PRSS54: variants seen among roughly 807,000 people sequenced by gnomAD.
PRSS54 encodes inactive serine protease 54.
In PRSS54, 16 loss-of-function variants were observed where a neutral mutation model predicts 19.9. The ratio of observed to expected loss-of-function variants is 0.80; its 90% CI spans 0.54 to 1.22. PRSS54 has a LOEUF of 1.22. Ranked by LOEUF, PRSS54 falls within the 50% of genes most tolerant of loss-of-function variation. The pLI, the probability that PRSS54 is intolerant of heterozygous loss-of-function variation, is 0.00. For synonymous variants in PRSS54, 177 were observed against 195.8 expected, an observed-to-expected ratio of 0.90 and a Z score of 0.80; for missense variants, 444 against 494.8, an observed-to-expected ratio of 0.90 and a Z score of 0.97.
chr16:58,293,242 A>G (rs1015700410), intron 3 of PRSS54, among the ~76,000 whole-genome samples: 5 of 152,028 alleles, frequency 3.3e-5, no homozygotes, highest in Admixed American at 3.3e-4. Flanking sequence ...TGCCCTCTGT[A>G]GGCTGGAATT....
At chr16:58,285,023 C>T (rs1395672210) in intron 5 of PRSS54, among the ~76,000 whole-genome samples, 5 of 152,148 alleles carry the variant, frequency 3.3e-5, no homozygotes, top group Non-Finnish European at 7.3e-5. Flanking sequence ...CCATGTTGGT[C>T]AGGCTGGTCT....
intron 3 of PRSS54, among the ~76,000 whole-genome samples, chr16:58,292,321 C>T (rs1965053514): frequency 1.3e-5 from 2 of 152,054 alleles, no homozygotes; most frequent in East Asian, 3.9e-4. Flanking sequence ...TTTCAGGAGC[C>T]CATCAGAGTG....
chr16:58,283,990 A>G (rs1386227659), intron 6 of PRSS54, among the ~76,000 whole-genome samples: 1 of 152,166 alleles, frequency 6.6e-6, no homozygotes, highest in South Asian at 2.1e-4. Flanking sequence ...AGCAGAGGAG[A>G]TAAACACTGT....
At chr16:58,284,451 A>G (rs1234579274) in intron 6 of PRSS54, 139 bp downstream of exon 6, 1 of 880,096 alleles carries the variant, frequency 1.1e-6, no homozygotes, top group Non-Finnish European at 1.8e-6. Flanking sequence ...GCCAAGTGCT[A>G]TTCACTCCAG....
intron 3 of PRSS54, among the ~76,000 whole-genome samples, chr16:58,293,396 G>A (rs1053226384): frequency 5.3e-5 from 8 of 152,158 alleles, no homozygotes; most frequent in African/African-American, 1.9e-4. Flanking sequence ...GGGGGTTGTA[G>A]TTTGCAAAAG....
rs1965112502 is a variant in PRSS54, at chr16:58,294,888, A to G, written c.-233T>C. 6.5e-6 allele frequency: 1 copy of G among 152,728 alleles called. No homozygotes were observed. The highest frequency in any genetic ancestry group is 1.5e-5 in the Non-Finnish European group (1 of 68,116). The allele number at this position is 152,728 out of a possible 1,614,324, so 9.5% of individuals were successfully genotyped here. A position where few individuals can be genotyped will look rare whatever the true frequency, so the allele number is the denominator to read the frequency against. On this transcript the variant is annotated splice_region_variant and 5_prime_UTR_variant, in exon 1 of 7. The change abolishes an upstream ATG in the 5' untranslated region. Transcript: ENST00000567164. ...CCCATGTGCACAGTTCTAAGTCACC[A>G]TGTTCCACTCATGACACTGGATGCC...
At chr16:58,288,957 G>A (rs961826651) in intron 4 of PRSS54, among the ~76,000 whole-genome samples, 9 of 152,252 alleles carry the variant, frequency 5.9e-5, no homozygotes, top group African/African-American at 1.4e-4. Context: ...ACTCAATTGC[G>A]TTCTCTTGAA....
intron 6 of PRSS54, chr16:58,282,890 T>C (rs1446611136): frequency 6.6e-6 from 1 of 152,338 alleles, no homozygotes; most frequent in Non-Finnish European, 1.5e-5. Flanking sequence ...TCCTCAGCTA[T>C]GGCGTGGTTT....
chr16:58,291,166 G>C (rs752163991), intron 3 of PRSS54, 30 bp from the exon 4 acceptor site: 1 of 1,605,716 alleles, frequency 6.2e-7, no homozygotes, highest in South Asian at 1.1e-5. Flanking sequence ...CCTCACTGCC[G>C]GGGCAAGGAG....
intron 6 of PRSS54, 36 bp downstream of exon 6, chr16:58,284,554 T>C (rs1162741623): frequency 1.9e-6 from 3 of 1,612,710 alleles, no homozygotes; most frequent in Non-Finnish European, 2.5e-6. Context: ...CAAGGCTTAC[T>C]CTCAACACTT....
At chr16:58,286,963 C>T (rs926920203) in intron 4 of PRSS54, among the ~76,000 whole-genome samples, 8 of 151,832 alleles carry the variant, frequency 5.3e-5, no homozygotes, top group Non-Finnish European at 1.0e-4. Flanking sequence ...AGAATAGGGC[C>T]CACAGAAAAC....
rs968204443 is a variant in PRSS54, at chr16:58,284,689, C to T, written c.555G>A (p.Arg185=). The T allele has an allele frequency of 1.6e-5, 26 of 1,614,004 alleles. No homozygotes were observed. Among genetic ancestry groups the T allele is most frequent in the Non-Finnish European group, 2.1e-5 (25 of 1,180,010 alleles). ...TGTCAAGATCTTTCACGAAGATTTT[C>T]CTCAGGACACTCATCGTCATGTGAT... ...TGNHMTMSVL[R]KIFVKDLDMC... is the part of the protein sequence containing the mutation. The change falls in exon 6 of 7, where the codon AGG becomes AGA. Residue 185 remains arginine (R), a synonymous_variant. Transcript: ENST00000567164.
chr16:58,284,533 C>A (rs1050907962), intron 6 of PRSS54, 57 bp downstream of exon 6: 3 of 1,606,946 alleles, frequency 1.9e-6, no homozygotes, highest in Non-Finnish European at 2.6e-6. Context: ...TGAGGCTCCC[C>A]TGGATGTGAC....
At position 58,286,051 on chromosome 16, in the gene PRSS54, G is replaced by A. The variant is rs746789172; in HGVS notation, c.408C>T (p.Asp136=). 1 of 1,614,224 alleles carries A rather than the reference G, an allele frequency of 6.2e-7. No homozygotes were observed. The highest frequency in any genetic ancestry group is 1.7e-5 in the Admixed American group (1 of 60,026). Residue 136 remains aspartate (D), a synonymous_variant, in exon 5 of 7, where the codon GAC becomes GAT. Coordinates refer to ENST00000567164, the MANE Select transcript of PRSS54 (RefSeq NM_001305173.2). ...CCAGGTTGCCAAAATGCATCGCTGT[G>A]TCTGTCTTCAGGAGGGCTATGTTGT... The part of the protein sequence containing the change: ...MSNNIALLKT[D]TAMHFGNLVQ...
chr16:58,284,829 T>G, intron 5 of PRSS54, 108 bp from the exon 6 acceptor site: 2 of 1,345,790 alleles, frequency 1.5e-6, no homozygotes, highest in South Asian at 1.3e-5. Context: ...TTTTTTTTTT[T>G]TTTGAGTTGG....
intron 4 of PRSS54, among the ~76,000 whole-genome samples, chr16:58,290,616 G>C (rs1965016416): frequency 6.6e-6 from 1 of 152,180 alleles, no homozygotes; most frequent in South Asian, 2.1e-4. Flanking sequence ...TTTAAGGTAA[G>C]GGCTCCTATT....
In PRSS54 at chr16:58,294,048, G is replaced by A; in HGVS notation, c.-70C>T. 1 of 543,644 alleles carries A rather than the reference G, an allele frequency of 1.8e-6. No individual in the cohort carries two copies. The highest frequency in any genetic ancestry group is 3.3e-6 in the Non-Finnish European group (1 of 302,150). The allele number at this position is 543,644 out of a possible 1,614,324, so 33.7% of individuals were successfully genotyped here. ...GGCAGGACCAGTTGGCCCGCACTGT[G>A]GTTTGTGAGATGGCCAGAGAAGAGA... On this transcript the variant is annotated 5_prime_UTR_variant, in exon 2 of 7. Coordinates refer to ENST00000567164, the MANE Select transcript of PRSS54 (RefSeq NM_001305173.2).
Position 58,280,380 on chromosome 16 carries a change from G to C in PRSS54, c.1032C>G (p.Gly344=), listed in dbSNP as rs1334811225. ...GTTGTACAGACGCCTCAGGAGACCT[G>C]CCTGATTCCTTTACATCCTTCTCCC... The part of the protein sequence containing the change: ...DVREKDVKES[G]RSPEASVQPL... The change falls in exon 7 of 7, where the codon GGC becomes GGG. Residue 344 remains glycine, a synonymous_variant. Transcript: ENST00000567164. 6.2e-7 allele frequency: 1 copy of C among 1,614,022 alleles called. No individual in the cohort carries two copies. Among genetic ancestry groups the C allele is most frequent in the African/African-American group, 1.3e-5 (1 of 74,904 alleles).
chr16:58,282,097 C>G (rs1183931889), intron 6 of PRSS54: 1 of 151,962 alleles, frequency 6.6e-6, no homozygotes, highest in Non-Finnish European at 1.5e-5. Flanking sequence ...CAACCTCCTC[C>G]TCCTGGGTTC....
Sources: allele counts gnomAD v4.1 joint callset (sites outside exome capture counted in the v4.1 genomes callset), GRCh38; gene constraint gnomAD v4.1.1; transcripts MANE v1.5; gene names NCBI Gene and HGNC (gene_info 2026-07-23, HGNC 2026-07-21).